NTMT2: variants seen among roughly 807,000 people sequenced by gnomAD.
The protein encoded by NTMT2 is X-Pro-Lys N-terminal protein methyltransferase 1B.
A neutral mutation model predicts 23.4 loss-of-function variants in NTMT2; 21 were observed. That is an observed-to-expected ratio of 0.90 (90% CI 0.64 to 1.29). NTMT2 has a LOEUF of 1.29. Ranked by LOEUF, NTMT2 falls within the 50% of genes most tolerant of loss-of-function variation. NTMT2 has a pLI of 0.00. For synonymous variants in NTMT2, 131 were observed against 127.7 expected, an observed-to-expected ratio of 1.03 and a Z score of -0.17; for missense variants, 336 against 352.0, an observed-to-expected ratio of 0.95 and a Z score of 0.36.
chr1:170,158,307 C>T (rs1411464), intron 1 of NTMT2, among the ~76,000 whole-genome samples: 58,705 of 151,778 alleles, frequency 0.39, 13,434 homozygotes, highest in East Asian at 0.69. Context: ...TTAATTTTAA[C>T]ATAATTGACA....
intron 2 of NTMT2, among the ~76,000 whole-genome samples, chr1:170,163,698 T>C (rs908818045): frequency 6.6e-6 from 1 of 152,270 alleles, no homozygotes; most frequent in Non-Finnish European, 1.5e-5. Context: ...TTTAGTTTTT[T>C]AACTCCACTG....
At chr1:170,166,853 C>T (rs1673404746) in intron 3 of NTMT2, 102 bp downstream of exon 3, 2 of 1,268,542 alleles carry the variant, frequency 1.6e-6, no homozygotes, top group Non-Finnish European at 2.2e-6. Context: ...AGCTGTAGTA[C>T]TTCAAGCAGT....
At chr1:170,152,460 AT>A (rs1673088503) in intron 1 of NTMT2, among the ~76,000 whole-genome samples, 1 of 152,146 alleles carries the variant, frequency 6.6e-6, no homozygotes, top group African/African-American at 2.4e-5. Flanking sequence ...GAGAAAGTAG[AT>A]TGTCTTTCCC....
Position 170,167,810 on chromosome 1 carries a change from T to C in NTMT2, c.*53T>C. 1 of 1,494,144 alleles carries C rather than the reference T, an allele frequency of 6.7e-7. No homozygotes were observed. The highest frequency in any genetic ancestry group is 9.0e-7 in the Non-Finnish European group (1 of 1,116,102). The allele number at this position is 1,494,144 out of a possible 1,614,324, so 92.6% of individuals were successfully genotyped here. A position where few individuals can be genotyped will look rare whatever the true frequency, so the allele number is the denominator to read the frequency against. On this transcript the variant is annotated 3_prime_UTR_variant, in exon 4 of 4. Transcript: ENST00000439373. ...TGGGCAGTGGTGCTTTGGGATGGGG[T>C]TGCTATCCTTCCAGGTGCCCCTTGT...
rs6669514 is a variant in NTMT2 at position 170,166,624 on chromosome 1, T to C, written c.453T>C (p.Phe151=). 0.26 allele frequency: 402,763 copies of C among 1,550,790 alleles called. 54,685 individuals carry two copies. Among genetic ancestry groups the C allele is most frequent in the African/African-American group, 0.44 (31,750 of 72,760 alleles). The change falls in exon 3 of 4, where the codon TTT becomes TTC. Residue 151 remains phenylalanine (F), a synonymous_variant. Coordinates refer to ENST00000439373, the MANE Select transcript of NTMT2 (RefSeq NM_001136107.2). ...AGCTGGTGGATATGATGGAATCCTT[T>C]CTCCTTGAAGCCCAGAACTACCTGC... ...SVELVDMMES[F]LLEAQNYLQV...
chr1:170,147,155 C>A (rs1430872692), intron 1 of NTMT2, among the ~76,000 whole-genome samples: 2 of 152,186 alleles, frequency 1.3e-5, no homozygotes, highest in Non-Finnish European at 2.9e-5. Context: ...GTATTGCATT[C>A]AAGCAACCGA....
Position 170,160,642 on chromosome 1 carries a change from G to C in NTMT2, c.279G>C (p.Leu93=). Reference sequence around the variant, plus strand: ...GTATGATGGGAAATTTCATTGAACTGTCCAGCCCAGACATCCAGGCCTCTC... The same window carrying C: ...GTATGATGGGAAATTTCATTGAACTCTCCAGCCCAGACATCCAGGCCTCTC... ...EEGMMGNFIE[L]SSPDIQASQK... The change falls in exon 2 of 4, where the codon CTG becomes CTC. Residue 93 remains leucine (L), a synonymous_variant. Coordinates refer to ENST00000439373, the MANE Select transcript of NTMT2 (RefSeq NM_001136107.2). 6.5e-7 allele frequency: 1 copy of C among 1,546,084 alleles called. No individual in the cohort carries two copies.
chr1:170,152,518 A>C (rs1028342037), intron 1 of NTMT2, among the ~76,000 whole-genome samples: 1 of 152,220 alleles, frequency 6.6e-6, no homozygotes, highest in South Asian at 2.1e-4. Context: ...GTTGAAAAGA[A>C]AAAAGCCCCA....
rs142707755 is a variant in NTMT2, at chr1:170,147,054, C to G, written c.154+793C>G. ...GAAAGCAAGAAGGCTGTGTATCAGC[C>G]TAGTCTGTTTTCTTAAGGTCGTTTG... is the stretch of plus-strand genomic sequence containing the variant. On this transcript the variant is annotated intron_variant, in intron 1 of 3. Transcript: ENST00000439373. 8.6e-3 allele frequency among the ~76,000 whole-genome samples: 1,310 copies of G among 152,276 alleles called. 13 individuals carry two copies. Among genetic ancestry groups the G allele is most frequent in the Middle Eastern group, 0.014 (4 of 294 alleles).
At chr1:170,161,887 T>C (rs497063) in intron 2 of NTMT2, among the ~76,000 whole-genome samples, 121,191 of 152,032 alleles carry the variant, frequency 0.8, 48,609 homozygotes, top group Non-Finnish European at 0.84. Flanking sequence ...GGTCAGAGTT[T>C]GAGACCAGCC....
rs575091731 is a variant in NTMT2 at position 170,153,674 on chromosome 1, C to T, written c.155-6844C>T. On this transcript the variant is annotated intron_variant, in intron 1 of 3. Coordinates refer to ENST00000439373, the MANE Select transcript of NTMT2 (RefSeq NM_001136107.2). ...AACAGCAAAACATGCAAGATGTGGCCTGGCTGCTTCTAACAGCTTAACCAG... is the reference window on the plus strand; with the variant it reads ...AACAGCAAAACATGCAAGATGTGGCTTGGCTGCTTCTAACAGCTTAACCAG... Among the ~76,000 whole-genome samples the T allele has an allele frequency of 1.4e-4, 22 of 152,296 alleles. No individual in the cohort carries two copies. The East Asian group carries it at 4.0e-3, about 28-fold the overall frequency.
intron 2 of NTMT2, among the ~76,000 whole-genome samples, chr1:170,162,426 G>A (rs961246688): frequency 6.6e-6 from 1 of 152,206 alleles, no homozygotes; most frequent in Non-Finnish European, 1.5e-5. Context: ...AGATAAAAAT[G>A]TGATCAGGAT....
chr1:170,151,834 C>A (rs143438824), intron 1 of NTMT2, among the ~76,000 whole-genome samples: 33 of 152,206 alleles, frequency 2.2e-4, no homozygotes, highest in African/African-American at 7.7e-4. Flanking sequence ...GTTTCTTCTT[C>A]TGTAGAATGG....
At chr1:170,161,822 G>A (rs1002297039) in intron 2 of NTMT2, among the ~76,000 whole-genome samples, 2 of 152,174 alleles carry the variant, frequency 1.3e-5, no homozygotes, top group East Asian at 3.9e-4. Flanking sequence ...GCTGGGTATG[G>A]TGGCTCATGC....
Position 170,167,849 on chromosome 1 carries a change from A to T in NTMT2, c.*92A>T. On this transcript the variant is annotated 3_prime_UTR_variant, in exon 4 of 4. Coordinates refer to ENST00000439373, the MANE Select transcript of NTMT2 (RefSeq NM_001136107.2). ...GGTGCCCCTTGTAATGCAGATAGGG[A>T]TGGCAAGAAAAGGGATACAACATAT... is the stretch of plus-strand genomic sequence containing the variant. The T allele has an allele frequency of 7.3e-7, 1 of 1,361,836 alleles. No homozygotes were observed. The highest frequency in any genetic ancestry group is 9.8e-7 in the Non-Finnish European group (1 of 1,018,362). The allele number at this position is 1,361,836 out of a possible 1,614,324, so 84.4% of individuals were successfully genotyped here. A position where few individuals can be genotyped will look rare whatever the true frequency, so the allele number is the denominator to read the frequency against.
At chr1:170,146,421 T>C (rs1330736028) in intron 1 of NTMT2, among the ~76,000 whole-genome samples, 160 bp downstream of exon 1, 1 of 152,060 alleles carries the variant, frequency 6.6e-6, no homozygotes, top group African/African-American at 2.4e-5. Flanking sequence ...GTGGAATTCT[T>C]TATGGAGAAT....
chr1:170,162,663 T>C (rs1673296250), intron 2 of NTMT2, among the ~76,000 whole-genome samples: 1 of 152,294 alleles, frequency 6.6e-6, no homozygotes, highest in Non-Finnish European at 1.5e-5. Flanking sequence ...TGGAGGTAAG[T>C]GCTATTATTA....
chr1:170,157,714 C>T (rs531453657), intron 1 of NTMT2, among the ~76,000 whole-genome samples: 41 of 152,228 alleles, frequency 2.7e-4, no homozygotes, highest in African/African-American at 7.7e-4. Flanking sequence ...ATTTCTTCTG[C>T]TCAAATTTAT....
In NTMT2 at chr1:170,166,691, C is replaced by T; in HGVS notation, c.520C>T (p.Leu174=). Residue 174 remains leucine, a synonymous_variant, in exon 3 of 4, where the codon CTG becomes TTG. Coordinates refer to ENST00000439373, the MANE Select transcript of NTMT2 (RefSeq NM_001136107.2). ...DKVESYHCYS[L]QEFTPPFRRY... is the part of the protein sequence containing the mutation. The stretch of plus-strand genomic sequence containing the variant: ...AGTAGAAAGCTACCACTGCTACAGC[C>T]TGCAGGAATTCACACCCCCCTTCAG... The T allele has an allele frequency of 1.3e-6, 2 of 1,552,330 alleles. No homozygotes were observed. The highest frequency in any genetic ancestry group is 1.7e-6 in the Non-Finnish European group (2 of 1,147,118).
Sources: allele counts gnomAD v4.1 joint callset (sites outside exome capture counted in the v4.1 genomes callset), GRCh38; gene constraint gnomAD v4.1.1; transcripts MANE v1.5; gene names NCBI Gene and HGNC (gene_info 2026-07-23, HGNC 2026-07-21).